Variants in THRAP3 observed in about 807,000 individuals in gnomAD.
THRAP3 encodes thyroid hormone receptor-associated protein 3.
In THRAP3, 16 loss-of-function variants were observed where a neutral mutation model predicts 101.0. The observed-to-expected ratio is 0.16, with a 90% CI of 0.11 to 0.24. The LOEUF is 0.24. Among genes scored for constraint, THRAP3 ranks in the 10% least tolerant of loss-of-function variants. The probability of loss-of-function intolerance (pLI) is 1.00; values close to 1 mark genes in which losing one functional copy is unlikely to be tolerated. For synonymous variants in THRAP3, 407 were observed against 422.6 expected (o/e 0.96, Z 0.45); for missense variants, 989 against 1,202.7 (o/e 0.82, Z 2.63).
chr1:36,211,984 T>C, the THRAP3 span, among the ~76,000 whole-genome samples: 150,451 of 152,288 alleles, frequency 0.99, 74,343 homozygotes, highest in Middle Eastern at 1. Flanking sequence ...GTAGAAGAAA[T>C]CCAACCCCAA....
the THRAP3 span, among the ~76,000 whole-genome samples, chr1:36,210,236 G>A: frequency 2.0e-5 from 3 of 151,740 alleles, no homozygotes; most frequent in South Asian, 4.2e-4. Context: ...CATGGTGGCA[G>A]GCACCTGTAG....
chr1:36,260,821 CAAA>C (rs34066117), intron 2 of THRAP3, among the ~76,000 whole-genome samples: 3 of 70,196 alleles, frequency 4.3e-5, no homozygotes, highest in Non-Finnish European at 5.7e-5. Flanking sequence ...GACTACGTCT[CAAA>C]AAAAAAAAAA....
At chr1:36,221,186 CAAAAA>C (rs769615426), upstream of THRAP3, among the ~76,000 whole-genome samples, 2 of 45,294 alleles carry the variant, frequency 4.4e-5, no homozygotes, top group Non-Finnish European at 9.4e-5. Flanking sequence ...GACCCTATCT[CAAAAA>C]AAAAAAAAAA....
chr1:36,266,189 C>T (rs527677751), intron 2 of THRAP3, among the ~76,000 whole-genome samples: 228 of 148,116 alleles, frequency 1.5e-3, no homozygotes, highest in African/African-American at 5.5e-3. Flanking sequence ...AGCATTGTGG[C>T]GTACCTGTAG....
In THRAP3 at chr1:36,286,943, C is replaced by G. The variant is rs1267602398; in HGVS notation, c.713C>G (p.Ala238Gly). 1 of 1,614,152 alleles carries G rather than the reference C, an allele frequency of 6.2e-7. No individual in the cohort carries two copies. Among genetic ancestry groups the G allele is most frequent in the Non-Finnish European group, 8.5e-7 (1 of 1,180,062 alleles). Residue 238 changes from alanine (A) to glycine (G), a missense_variant, in exon 4 of 12, where the codon GCA becomes GGA. By Grantham distance (60) the Ala-to-Gly change is moderately conservative. Coordinates refer to ENST00000354618, the MANE Select transcript of THRAP3 (RefSeq NM_005119.4). The surrounding 1 kb of genome is among the most constrained non-coding windows in gnomAD (Gnocchi z 5.5). The stretch of plus-strand genomic sequence containing the variant: ...ACTGGTTCTGCATCACGGGCCTCAG[C>G]AGTTTCTGAGCTGAGTCCTCGGGAG... ...YGTGSASRAS[A>G]VSELSPRERS...
In THRAP3 at chr1:36,286,689, G is replaced by A. The variant is rs770825757; in HGVS notation, c.459G>A (p.Arg153=). 3 of 1,614,176 alleles carry A rather than the reference G, an allele frequency of 1.9e-6. No individual in the cohort carries two copies. The highest frequency in any genetic ancestry group is 2.2e-5 in the South Asian group (2 of 91,082). The part of the protein sequence containing the change: ...SRNSDKSSSD[R]SRRSSSSRSS... ...ACTCTGATAAGTCGTCTTCTGACCG[G>A]TCAAGGCGCTCCTCATCCTCCCGTT... Residue 153 remains arginine, a synonymous_variant, in exon 4 of 12, where the codon CGG becomes CGA. Coordinates refer to ENST00000354618, the MANE Select transcript of THRAP3 (RefSeq NM_005119.4). The surrounding 1 kb of genome is among the most constrained non-coding windows in gnomAD (Gnocchi z 5.5).
chr1:36,271,263 T>A (rs1310969774), intron 2 of THRAP3, among the ~76,000 whole-genome samples: 1 of 152,222 alleles, frequency 6.6e-6, no homozygotes, highest in Non-Finnish European at 1.5e-5. Flanking sequence ...TCCAGGATAA[T>A]TTTGTTTTCA....
intron 1 of THRAP3, among the ~76,000 whole-genome samples, chr1:36,234,807 C>CTTTTTTTTTTTT (rs35278020): frequency 2.8e-5 from 2 of 72,428 alleles, no homozygotes; most frequent in East Asian, 5.2e-4. Context: ...CTGTTTCAGT[C>CTTTTTTTTTTTT]TTTTTTTTTT....
chr1:36,224,670 T>G (rs1570208455), intron 1 of THRAP3, among the ~76,000 whole-genome samples, 165 bp downstream of exon 1: 1 of 152,132 alleles, frequency 6.6e-6, no homozygotes, highest in Admixed American at 6.6e-5. Context: ...CTCCGTTCCC[T>G]CCGGCTCCTC....
chr1:36,295,554 T>TTCCTTCCTTCCTTCCC (rs1645935304), intron 8 of THRAP3, among the ~76,000 whole-genome samples: 1 of 118,352 alleles, frequency 8.4e-6, no homozygotes, highest in African/African-American at 3.2e-5. Context: ...TTTTCCTTCC[T>TTCCTTCCTTCCTTCCC]TCCTTCCTTC....
chr1:36,293,399 C>T (rs1645903239), intron 7 of THRAP3, among the ~76,000 whole-genome samples: 1 of 152,138 alleles, frequency 6.6e-6, no homozygotes, highest in Admixed American at 6.5e-5. Context: ...TAGTTGGATT[C>T]TTCTGGAAGA....
chr1:36,245,783 A>G (rs910408882), intron 1 of THRAP3, among the ~76,000 whole-genome samples: 1 of 152,220 alleles, frequency 6.6e-6, no homozygotes, highest in Non-Finnish European at 1.5e-5. Flanking sequence ...GCATTTTAAT[A>G]GCCCTTGAAC....
chr1:36,269,323 C>A (rs534665678), intron 2 of THRAP3, among the ~76,000 whole-genome samples: 3 of 152,050 alleles, frequency 2.0e-5, no homozygotes, highest in East Asian at 1.9e-4. Context: ...GAAGCTGCAG[C>A]CTTTTGGGGT....
Position 36,293,028 on chromosome 1 carries a change from CTTT to C in THRAP3, c.2030+335_2030+337del, listed in dbSNP as rs71053920. Among the ~76,000 whole-genome samples the C allele has an allele frequency of 1.3e-4, 11 of 82,826 alleles. 1 individual carries two copies. Among genetic ancestry groups the C allele is most frequent in the East Asian group, 3.8e-4 (1 of 2,618 alleles). 54.3% of individuals were successfully genotyped at this position (82,826 alleles called of 152,430 possible). On this transcript the variant is annotated intron_variant, in intron 7 of 11. Transcript: ENST00000354618. ...AGTAAATGCTAGTTTCTTTTCTTGT[CTTT>C]TTTTTTTTTTTTTTTGAGATGGAGT...
intron 1 of THRAP3, among the ~76,000 whole-genome samples, chr1:36,234,287 A>G (rs1645061287): frequency 6.6e-6 from 1 of 152,100 alleles, no homozygotes; most frequent in Admixed American, 6.5e-5. Context: ...ATACCCTTCT[A>G]CCCTACCCCA....
intron 6 of THRAP3, 116 bp downstream of exon 6, chr1:36,291,662 G>A: frequency 1.8e-6 from 2 of 1,139,902 alleles, no homozygotes; most frequent in Non-Finnish European, 2.5e-6. Flanking sequence ...GGCCTTTGAA[G>A]CTAGGGGCTG....
intron 2 of THRAP3, among the ~76,000 whole-genome samples, chr1:36,275,811 A>G (rs886716223): frequency 1.3e-5 from 2 of 151,950 alleles, no homozygotes; most frequent in African/African-American, 4.8e-5. Flanking sequence ...GCTTGAGCCC[A>G]GGAGTTCCAG....
intron 2 of THRAP3, among the ~76,000 whole-genome samples, chr1:36,281,446 A>G (rs1237316465): frequency 6.6e-6 from 1 of 152,220 alleles, no homozygotes; most frequent in Non-Finnish European, 1.5e-5. Flanking sequence ...CATCTCTTAC[A>G]GTATTACCCA....
chr1:36,298,556 C>T (rs898036021), intron 9 of THRAP3, among the ~76,000 whole-genome samples: 4 of 152,140 alleles, frequency 2.6e-5, no homozygotes, highest in East Asian at 1.9e-4. Context: ...TGCAGTGGCA[C>T]GATCATAGCT....
Sources: allele counts gnomAD v4.1 joint callset (sites outside exome capture counted in the v4.1 genomes callset), GRCh38; gene constraint gnomAD v4.1.1; non-coding constraint Gnocchi (gnomAD v3.1); transcripts MANE v1.5; gene names NCBI Gene and HGNC (gene_info 2026-07-23, HGNC 2026-07-21).